The following GPC5 variants were observed in gnomAD, a reference collection of about 807,000 sequenced individuals.
GPC5 encodes glypican-5.
In GPC5, 47 loss-of-function variants were observed where a neutral mutation model predicts 53.9. The observed-to-expected ratio is 0.87, with a 90% CI of 0.69 to 1.11. The LOEUF (loss-of-function observed/expected upper bound fraction) is 1.11, where lower values mean the gene tolerates loss of function less well. Ranked by LOEUF, GPC5 falls within the 50% of genes most tolerant of loss-of-function variation. The pLI is 0.00. For synonymous variants in GPC5, 286 were observed against 263.3 expected (o/e 1.09, Z -0.84); for missense variants, 748 against 713.1 (o/e 1.05, Z -0.56).
At chr13:92,646,827 C>T (rs1885785348) in intron 7 of GPC5, among the ~76,000 whole-genome samples, 1 of 150,732 alleles carries the variant, frequency 6.6e-6, no homozygotes, top group Non-Finnish European at 1.5e-5. Context: ...AGTTTTAGCT[C>T]ATATACAAGG....
chr13:92,397,962 G>A (rs1239570724), intron 7 of GPC5, among the ~76,000 whole-genome samples: 1 of 152,026 alleles, frequency 6.6e-6, no homozygotes, highest in African/African-American at 2.4e-5. Context: ...ATGTCTTTGT[G>A]CAGTCACCAT....
chr13:91,535,770 G>A (rs746185814), intron 2 of GPC5, among the ~76,000 whole-genome samples: 2 of 152,080 alleles, frequency 1.3e-5, no homozygotes, highest in East Asian at 1.9e-4. Context: ...CCCACCCAGA[G>A]GCCTAGTACT....
rs187126062 is a variant in GPC5 at position 92,783,545 on chromosome 13, A to G, written c.1562-82737A>G. Among the ~76,000 whole-genome samples, 4 of 152,304 alleles carry G rather than the reference A, an allele frequency of 2.6e-5. No homozygotes were observed. The East Asian group carries it at 5.8e-4, about 22-fold the overall frequency. The stretch of plus-strand genomic sequence containing the variant: ...GTTCAGGCTTCAGGAGCTAAACCGT[A>G]GTGTTGAAGAGGTACAAAAAATGAG... On this transcript the variant is annotated intron_variant, in intron 7 of 7. Transcript: ENST00000377067.
chr13:91,466,475 G>GTA (rs1882247179), intron 2 of GPC5, among the ~76,000 whole-genome samples: 1 of 152,102 alleles, frequency 6.6e-6, no homozygotes, highest in Non-Finnish European at 1.5e-5. Flanking sequence ...AATTGAAAGA[G>GTA]TATATGTTAA....
intron 7 of GPC5, among the ~76,000 whole-genome samples, chr13:92,356,131 G>A (rs1321398873): frequency 6.6e-6 from 1 of 152,084 alleles, no homozygotes; most frequent in East Asian, 1.9e-4. Flanking sequence ...ACTATCCAGT[G>A]TACTCCTAAT....
At chr13:91,564,097 C>G (rs559156669) in intron 2 of GPC5, among the ~76,000 whole-genome samples, 1 of 152,148 alleles carries the variant, frequency 6.6e-6, no homozygotes, top group South Asian at 2.1e-4. Flanking sequence ...ATTCAAAAAC[C>G]ATTTCAGTGA....
chr13:92,602,949 C>T (rs1237949461), intron 7 of GPC5, among the ~76,000 whole-genome samples: 2 of 152,112 alleles, frequency 1.3e-5, no homozygotes, highest in Non-Finnish European at 2.9e-5. Context: ...AGTCCTCTCT[C>T]AGCAGTCTCA....
chr13:92,640,506 C>A (rs1239881579), intron 7 of GPC5, among the ~76,000 whole-genome samples: 1 of 152,072 alleles, frequency 6.6e-6, no homozygotes, highest in Non-Finnish European at 1.5e-5. Context: ...GTGATCCACC[C>A]GCCTCGGCCT....
At chr13:92,047,444 T>TA (rs67964381) in intron 6 of GPC5, among the ~76,000 whole-genome samples, 769 of 40,018 alleles carry the variant, frequency 0.019, 7 homozygotes, top group East Asian at 0.12. Context: ...ATATATATAT[T>TA]TTTTTTTCCT....
chr13:91,554,880 C>T (rs1441562539), intron 2 of GPC5, among the ~76,000 whole-genome samples: 2 of 152,088 alleles, frequency 1.3e-5, no homozygotes, highest in Admixed American at 6.6e-5. Context: ...CCCTAACAAT[C>T]CTCTTCACTT....
intron 7 of GPC5, among the ~76,000 whole-genome samples, chr13:92,662,123 A>G (rs1886366712): frequency 6.6e-6 from 1 of 152,176 alleles, no homozygotes; most frequent in Non-Finnish European, 1.5e-5. Flanking sequence ...CTGAACTTTT[A>G]ACACTAGCTC....
intron 7 of GPC5, among the ~76,000 whole-genome samples, chr13:92,765,828 C>T (rs756241763): frequency 6.6e-6 from 1 of 151,590 alleles, no homozygotes; most frequent in African/African-American, 2.4e-5. Flanking sequence ...CTGTATGTGC[C>T]AGGAAGCAAA....
chr13:91,614,590 C>T (rs1016309440), intron 2 of GPC5, among the ~76,000 whole-genome samples: 2 of 151,292 alleles, frequency 1.3e-5, no homozygotes. Context: ...ACTTGGCCTC[C>T]CAAGTTCTGG....
chr13:92,529,889 C>A (rs1308076082), intron 7 of GPC5, among the ~76,000 whole-genome samples: 1 of 151,770 alleles, frequency 6.6e-6, no homozygotes, highest in Admixed American at 6.6e-5. Flanking sequence ...TCAAGACCAA[C>A]CTGGGCAACA....
chr13:92,559,383 C>T (rs1450935396), intron 7 of GPC5, among the ~76,000 whole-genome samples: 8 of 149,268 alleles, frequency 5.4e-5, no homozygotes, highest in African/African-American at 2.0e-4. Context: ...GGTGTGGGGG[C>T]GCGGGTGTAC....
At chr13:92,696,186 G>C (rs1416544954) in intron 7 of GPC5, among the ~76,000 whole-genome samples, 5 of 152,134 alleles carry the variant, frequency 3.3e-5, no homozygotes, top group Non-Finnish European at 1.5e-5. Context: ...ACAGCAGCAT[G>C]ATTTATAATC....
chr13:92,766,854 T>C (rs1875424169), intron 7 of GPC5, among the ~76,000 whole-genome samples: 1 of 152,258 alleles, frequency 6.6e-6, no homozygotes, highest in Non-Finnish European at 1.5e-5. Context: ...GGTGAGAATA[T>C]GATTATTCAG....
chr13:92,788,162 A>C (rs949030436), intron 7 of GPC5, among the ~76,000 whole-genome samples: 1 of 152,138 alleles, frequency 6.6e-6, no homozygotes, highest in Admixed American at 6.6e-5. Flanking sequence ...AACACTGAGA[A>C]GAAACACTTT....
At chr13:91,572,162 C>A (rs866752829) in intron 2 of GPC5, among the ~76,000 whole-genome samples, 1 of 100,060 alleles carries the variant, frequency 1.0e-5, no homozygotes. Flanking sequence ...TGTGTATACA[C>A]ACACATATGT....
Sources: gnomAD v4.1 joint callset for allele counts (sites outside exome capture counted in the v4.1 genomes callset) on GRCh38, gnomAD v4.1.1 for gene constraint, MANE v1.5 for transcripts, NCBI Gene and HGNC (gene_info 2026-07-23, HGNC 2026-07-21) for gene names.